CCBE1: variants seen among roughly 807,000 people sequenced by gnomAD.
CCBE1 encodes the protein collagen and calcium binding EGF domains 1.
Under a neutral mutation model 50.0 loss-of-function variants are expected in CCBE1, and 37 were observed. That is an observed-to-expected ratio of 0.74 (90% CI 0.57 to 0.97). The LOEUF is 0.97. Ranked by LOEUF, CCBE1 falls within the 50% of genes least tolerant of loss-of-function variation. The pLI, the probability that CCBE1 is intolerant of heterozygous loss-of-function variation, is 0.00. For synonymous variants in CCBE1, 234 were observed against 203.7 expected (o/e 1.15, Z -1.27); for missense variants, 538 against 523.8 (o/e 1.03, Z -0.26).
intron 2 of CCBE1, among the ~76,000 whole-genome samples, chr18:59,692,495 C>T (rs2054745899): frequency 6.6e-6 from 1 of 152,180 alleles, no homozygotes. Flanking sequence ...ACTCCCCCGC[C>T]ATGGGAACTT....
At chr18:59,522,743 A>G (rs571789286) in intron 2 of CCBE1, among the ~76,000 whole-genome samples, 17 of 152,214 alleles carry the variant, frequency 1.1e-4, no homozygotes, top group African/African-American at 4.1e-4. Flanking sequence ...TAATCCCAGC[A>G]CTTTGGGAGG....
chr18:59,586,771 A>G (rs899057880), intron 2 of CCBE1, among the ~76,000 whole-genome samples: 5 of 152,230 alleles, frequency 3.3e-5, no homozygotes, highest in South Asian at 2.1e-4. Context: ...ATGAAAACAC[A>G]TAAGATGATT....
At chr18:59,565,076 A>C (rs1416672977) in intron 2 of CCBE1, among the ~76,000 whole-genome samples, 1 of 152,236 alleles carries the variant, frequency 6.6e-6, no homozygotes, top group African/African-American at 2.4e-5. Context: ...AAAGGTGAGC[A>C]CAGGGGAGAA....
chr18:59,461,317 T>G (rs76088349), intron 5 of CCBE1, among the ~76,000 whole-genome samples: 13 of 151,824 alleles, frequency 8.6e-5, no homozygotes, highest in African/African-American at 3.1e-4. Context: ...TTTTTTTTTT[T>G]TGCCAGAACC....
intron 2 of CCBE1, among the ~76,000 whole-genome samples, chr18:59,639,080 C>T (rs760923094): frequency 1.3e-5 from 2 of 152,072 alleles, no homozygotes; most frequent in African/African-American, 2.4e-5. Context: ...TTGAGACCAG[C>T]GTGAGCAACA....
chr18:59,473,890 TCCTCCC>T (rs1288509362), intron 3 of CCBE1, among the ~76,000 whole-genome samples: 4 of 60,856 alleles, frequency 6.6e-5, no homozygotes, highest in Non-Finnish European at 1.4e-4. Flanking sequence ...TCCCACTATT[TCCTCCC>T]CCTACTACTA....
chr18:59,572,640 T>A (rs963501628), intron 2 of CCBE1, among the ~76,000 whole-genome samples: 1 of 152,230 alleles, frequency 6.6e-6, no homozygotes, highest in Non-Finnish European at 1.5e-5. Context: ...ATTGGTTGGT[T>A]AGCCTTATTC....
intron 2 of CCBE1, among the ~76,000 whole-genome samples, chr18:59,592,417 G>A (rs1358403635): frequency 6.6e-6 from 1 of 151,976 alleles, no homozygotes; most frequent in Non-Finnish European, 1.5e-5. Context: ...TTTGAAAAAG[G>A]CAACTCAAAA....
At chr18:59,584,649 C>T (rs901569690) in intron 2 of CCBE1, among the ~76,000 whole-genome samples, 3 of 152,092 alleles carry the variant, frequency 2.0e-5, no homozygotes, top group Non-Finnish European at 4.4e-5. Context: ...GTTGTCTAAA[C>T]TGTTTAGCAC....
chr18:59,583,658 T>C (rs1380312448), intron 2 of CCBE1, among the ~76,000 whole-genome samples: 1 of 115,016 alleles, frequency 8.7e-6, no homozygotes, highest in Admixed American at 8.5e-5. Context: ...GCTTTGCGTG[T>C]GTGTGTGTGT....
chr18:59,658,334 A>T (rs2054219533), intron 2 of CCBE1, among the ~76,000 whole-genome samples: 1 of 28,244 alleles, frequency 3.5e-5, no homozygotes, highest in African/African-American at 1.4e-4. Flanking sequence ...AAAAAAAAAA[A>T]AAAAAAAAAA....
intron 2 of CCBE1, among the ~76,000 whole-genome samples, chr18:59,544,991 T>C (rs1271021217): frequency 1.3e-5 from 2 of 152,202 alleles, no homozygotes; most frequent in Admixed American, 6.5e-5. Flanking sequence ...TTTATGTTAA[T>C]ACAATCAATA....
chr18:59,526,338 C>G (rs1914819612), intron 2 of CCBE1, among the ~76,000 whole-genome samples: 1 of 140,738 alleles, frequency 7.1e-6, no homozygotes, highest in African/African-American at 2.7e-5. Flanking sequence ...GAGATGGAAT[C>G]TCACTCTGTC....
intron 2 of CCBE1, among the ~76,000 whole-genome samples, chr18:59,641,986 A>G (rs1486682941): frequency 2.0e-5 from 3 of 152,110 alleles, no homozygotes; most frequent in Non-Finnish European, 4.4e-5. Flanking sequence ...AAACTTTAGG[A>G]GAGAATGCAG....
At chr18:59,594,239 T>A (rs1448094652) in intron 2 of CCBE1, among the ~76,000 whole-genome samples, 2 of 152,234 alleles carry the variant, frequency 1.3e-5, no homozygotes, top group Non-Finnish European at 2.9e-5. Flanking sequence ...CTTCTACAAA[T>A]GAATCCGCTA....
At chr18:59,577,788 C>A (rs577323819) in intron 2 of CCBE1, among the ~76,000 whole-genome samples, 2 of 152,180 alleles carry the variant, frequency 1.3e-5, no homozygotes, top group South Asian at 4.1e-4. Context: ...AAAGGAAAGC[C>A]AATCTACAGA....
intron 2 of CCBE1, among the ~76,000 whole-genome samples, chr18:59,507,419 C>A (rs1027075991): frequency 1.3e-5 from 2 of 152,218 alleles, no homozygotes; most frequent in Non-Finnish European, 2.9e-5. Context: ...CCCAACTTTG[C>A]CATAGCCAAG....
intron 2 of CCBE1, among the ~76,000 whole-genome samples, chr18:59,564,496 T>C (rs1212337236): frequency 6.6e-6 from 1 of 152,254 alleles, no homozygotes; most frequent in Non-Finnish European, 1.5e-5. Context: ...ATTTCTATAC[T>C]AGTATATTTA....
chr18:59,515,163 G>T (rs1028939408), intron 2 of CCBE1, among the ~76,000 whole-genome samples: 1 of 152,220 alleles, frequency 6.6e-6, no homozygotes, highest in Non-Finnish European at 1.5e-5. Context: ...GAGGCCCAGA[G>T]TAGAAAATGT....
Sources: allele counts gnomAD v4.1 joint callset (sites outside exome capture counted in the v4.1 genomes callset), GRCh38; gene constraint gnomAD v4.1.1; transcripts MANE v1.5; gene names NCBI Gene and HGNC (gene_info 2026-07-23, HGNC 2026-07-21).